Variants in CNTLN observed in about 807,000 individuals in gnomAD.
CNTLN encodes centlein.
In CNTLN, 212 loss-of-function variants were observed where a neutral mutation model predicts 180.0. That is an observed-to-expected ratio of 1.18 (90% confidence interval 1.05 to 1.32). The LOEUF is 1.32. CNTLN is among the 40% of genes most tolerant of loss of function. The pLI, the probability that CNTLN is intolerant of heterozygous loss-of-function variation, is 0.00. For missense variants in CNTLN, 2,095 were observed against 1,610.9 expected (o/e 1.30, Z -5.14); for synonymous variants, 722 against 563.1 (o/e 1.28, Z -3.99).
chr9:17,351,161 G>C (rs1822328720), intron 12 of CNTLN, among the ~76,000 whole-genome samples: 1 of 152,018 alleles, frequency 6.6e-6, no homozygotes, highest in Non-Finnish European at 1.5e-5. Flanking sequence ...TGTACCTCTG[G>C]CCACCTATTC....
At chr9:17,515,153 A>T in the CNTLN span, among the ~76,000 whole-genome samples, 50 of 152,112 alleles carry the variant, frequency 3.3e-4, 1 homozygote, top group South Asian at 9.8e-3. Flanking sequence ...CTCCTACTTC[A>T]TCCGTCAGCA....
intron 15 of CNTLN, among the ~76,000 whole-genome samples, chr9:17,404,772 C>T (rs568281331): frequency 1.4e-5 from 2 of 138,026 alleles, no homozygotes; most frequent in Admixed American, 1.5e-4. Context: ...GAGTCTTGCT[C>T]TGTCTGCCAG....
At chr9:17,182,916 G>C (rs1167301239) in intron 2 of CNTLN, among the ~76,000 whole-genome samples, 1 of 152,208 alleles carries the variant, frequency 6.6e-6, no homozygotes, top group Non-Finnish European at 1.5e-5. Flanking sequence ...GCCCAGTTGA[G>C]ATAGATTCTA....
the CNTLN span, among the ~76,000 whole-genome samples, chr9:17,522,794 G>A: frequency 3.9e-5 from 6 of 152,204 alleles, no homozygotes; most frequent in Admixed American, 6.5e-5. Flanking sequence ...ATGCCCAAGC[G>A]TGTATCCAAC....
intron 18 of CNTLN, among the ~76,000 whole-genome samples, chr9:17,451,608 C>G (rs1470331288): frequency 6.6e-6 from 1 of 152,110 alleles, no homozygotes; most frequent in East Asian, 1.9e-4. Flanking sequence ...ACTCTGGTTA[C>G]TGATTGGCCT....
At chr9:17,331,791 A>G (rs1297761492) in intron 9 of CNTLN, among the ~76,000 whole-genome samples, 1 of 152,096 alleles carries the variant, frequency 6.6e-6, no homozygotes, top group Non-Finnish European at 1.5e-5. Flanking sequence ...TTTCACAAGC[A>G]CTGAACTTTA....
chr9:17,440,658 A>T (rs951841735), intron 18 of CNTLN, among the ~76,000 whole-genome samples: 14 of 152,128 alleles, frequency 9.2e-5, no homozygotes, highest in African/African-American at 2.4e-4. Flanking sequence ...TAGAAGCATT[A>T]TTCATAGTAG....
intron 2 of CNTLN, among the ~76,000 whole-genome samples, chr9:17,152,454 A>G (rs1818957062): frequency 1.3e-5 from 2 of 152,238 alleles, no homozygotes; most frequent in Non-Finnish European, 2.9e-5. Context: ...TTCGGTTTCC[A>G]TGTATTTGTG....
Position 17,445,207 on chromosome 9 carries a change from A to G in CNTLN, c.3115-12317A>G, listed in dbSNP as rs191660704. ...TTTTTATAGGGTATATTTATAAATG[A>G]TCAACATGATATGAATACTTAGTAC... On this transcript the variant is annotated intron_variant, in intron 18 of 25. Transcript: ENST00000380647. Among the ~76,000 whole-genome samples, 1,328 of 152,306 alleles carry G rather than the reference A, an allele frequency of 8.7e-3. 14 individuals carry two copies. The highest frequency in any genetic ancestry group is 0.014 in the Non-Finnish European group (922 of 68,026).
At chr9:17,218,705 G>T (rs1188974411) in intron 2 of CNTLN, among the ~76,000 whole-genome samples, 1 of 151,946 alleles carries the variant, frequency 6.6e-6, no homozygotes, top group South Asian at 2.1e-4. Flanking sequence ...GCTTTATTTT[G>T]TGTGTTATTT....
chr9:17,452,312 C>T (rs1830832740), intron 18 of CNTLN, among the ~76,000 whole-genome samples: 1 of 152,170 alleles, frequency 6.6e-6, no homozygotes, highest in Admixed American at 6.5e-5. Context: ...GCCTGATGTC[C>T]TCAGACTGCC....
chr9:17,301,855 T>G, intron 7 of CNTLN: 2 of 973,064 alleles, frequency 2.1e-6, no homozygotes, highest in Non-Finnish European at 2.4e-6. Flanking sequence ...TTTGAATATT[T>G]CACTTTTAAA....
At chr9:17,358,481 T>C (rs1311844306) in intron 12 of CNTLN, among the ~76,000 whole-genome samples, 3 of 152,124 alleles carry the variant, frequency 2.0e-5, no homozygotes, top group Non-Finnish European at 2.9e-5. Flanking sequence ...AAAAATATAG[T>C]TACACATAAC....
chr9:17,384,626 C>G (rs1002872042), intron 13 of CNTLN, among the ~76,000 whole-genome samples: 64 of 152,102 alleles, frequency 4.2e-4, no homozygotes, highest in Middle Eastern at 3.2e-3. Flanking sequence ...ATGGTTACTT[C>G]TCGGAGGAGA....
chr9:17,378,548 T>C lies in CNTLN; in HGVS notation c.1988-9614T>C, dbSNP rs112485636. ...TCTTTGTTATTGTTGTTGTTTTCAA[T>C]TTATTGTCTCAATTCTTCAAATTCT... On this transcript the variant is annotated intron_variant, in intron 13 of 25. Coordinates refer to ENST00000380647, the MANE Select transcript of CNTLN (RefSeq NM_017738.4). Among the ~76,000 whole-genome samples, 10 of 152,334 alleles carry C rather than the reference T, an allele frequency of 6.6e-5. 1 individual carries two copies. Among genetic ancestry groups the C allele is most frequent in the African/African-American group, 2.4e-4 (10 of 41,584 alleles).
intron 3 of CNTLN, among the ~76,000 whole-genome samples, chr9:17,229,837 TTA>T (rs1322888940): frequency 6.6e-6 from 1 of 152,106 alleles, no homozygotes; most frequent in Non-Finnish European, 1.5e-5. Context: ...TGGCTAGATA[TTA>T]GGCTGTCTCC....
At chr9:17,188,608 C>G (rs554786166) in intron 2 of CNTLN, among the ~76,000 whole-genome samples, 1 of 152,196 alleles carries the variant, frequency 6.6e-6, no homozygotes, top group South Asian at 2.1e-4. Flanking sequence ...GCAAATAATT[C>G]AACTCTATTT....
intron 8 of CNTLN, among the ~76,000 whole-genome samples, chr9:17,327,059 A>T (rs1441823871): frequency 2.0e-5 from 3 of 152,150 alleles, no homozygotes; most frequent in Non-Finnish European, 4.4e-5. Context: ...TAAGATGTTA[A>T]TAATAGGGGA....
intron 2 of CNTLN, among the ~76,000 whole-genome samples, chr9:17,186,776 A>T (rs981161165): frequency 6.6e-6 from 1 of 152,164 alleles, no homozygotes; most frequent in African/African-American, 2.4e-5. Flanking sequence ...GATCCTCCAT[A>T]TATGGATAGT....
Sources: allele counts gnomAD v4.1 joint callset (sites outside exome capture counted in the v4.1 genomes callset), GRCh38; gene constraint gnomAD v4.1.1; transcripts MANE v1.5; gene names NCBI Gene and HGNC (gene_info 2026-07-23, HGNC 2026-07-21).